The following VPS13B variants were observed in gnomAD, a reference collection of about 807,000 sequenced individuals.
The protein encoded by VPS13B is vacuolar protein sorting 13 homolog B, also known as intermembrane lipid transfer protein VPS13B.
VPS13B carries 285 observed loss-of-function variants against 426.4 expected under a neutral mutation model. The ratio of observed to expected loss-of-function variants is 0.67; its 90% CI spans 0.61 to 0.74. The LOEUF (loss-of-function observed/expected upper bound fraction) is 0.74. VPS13B is among the 30% of genes least tolerant of loss of function. The pLI, the probability that VPS13B is intolerant of heterozygous loss-of-function variation, is 0.00. For missense variants in VPS13B, 4,537 were observed against 4,782.6 expected, an observed-to-expected ratio of 0.95 and a Z score of 1.51; for synonymous variants, 1,676 against 1,676.4, an observed-to-expected ratio of 1.00 and a Z score of 0.01.
At chr8:99,428,460 A>G (rs1588367533) in intron 21 of VPS13B, among the ~76,000 whole-genome samples, 1 of 152,228 alleles carries the variant, frequency 6.6e-6, no homozygotes, top group Non-Finnish European at 1.5e-5. Context: ...AACCCCATCA[A>G]AAAGTGGGCG....
intron 33 of VPS13B, among the ~76,000 whole-genome samples, chr8:99,590,980 T>C (rs1449308696): frequency 6.6e-6 from 1 of 152,072 alleles, no homozygotes; most frequent in Admixed American, 6.6e-5. Flanking sequence ...TAAGTCTCTT[T>C]GTATGTCTCT....
At chr8:99,756,473 GACAA>G (rs1810648875) in intron 39 of VPS13B, among the ~76,000 whole-genome samples, 1 of 152,132 alleles carries the variant, frequency 6.6e-6, no homozygotes, top group Non-Finnish European at 1.5e-5. Context: ...CAAATTTGAT[GACAA>G]ACATTTATCT....
intron 31 of VPS13B, among the ~76,000 whole-genome samples, chr8:99,557,864 C>A (rs1824673370): frequency 6.6e-6 from 1 of 152,110 alleles, no homozygotes; most frequent in African/African-American, 2.4e-5. Flanking sequence ...ATTAAAGCTA[C>A]ATACCTTTAT....
intron 2 of VPS13B, among the ~76,000 whole-genome samples, chr8:99,031,515 C>T (rs1383155078): frequency 6.6e-6 from 1 of 152,112 alleles, no homozygotes; most frequent in Non-Finnish European, 1.5e-5. Context: ...GAGGAACAAC[C>T]ACCTCTTCCA....
intron 39 of VPS13B, among the ~76,000 whole-genome samples, chr8:99,764,519 T>C (rs554453592): frequency 5.9e-4 from 87 of 148,298 alleles, no homozygotes; most frequent in South Asian, 8.9e-4. Flanking sequence ...GTTTAAGCAA[T>C]TCTCCTGTCT....
At chr8:99,576,893 C>G (rs780237792) in intron 32 of VPS13B, among the ~76,000 whole-genome samples, 47 of 152,116 alleles carry the variant, frequency 3.1e-4, no homozygotes, top group Non-Finnish European at 4.6e-4. Context: ...CTGTCTTTAG[C>G]TTCAACACTC....
intron 55 of VPS13B, among the ~76,000 whole-genome samples, chr8:99,851,460 CAG>C (rs1179768234): frequency 6.6e-6 from 1 of 152,106 alleles, no homozygotes; most frequent in Non-Finnish European, 1.5e-5. Flanking sequence ...GGGATGAAAA[CAG>C]AGCTCAGTAA....
At chr8:99,368,877 T>C (rs1813026655) in intron 19 of VPS13B, among the ~76,000 whole-genome samples, 1 of 152,214 alleles carries the variant, frequency 6.6e-6, no homozygotes, top group South Asian at 2.1e-4. Context: ...AGCCATATTC[T>C]CTATGTATTT....
chr8:99,524,527 T>G (rs1267446845), intron 30 of VPS13B, among the ~76,000 whole-genome samples: 1 of 152,194 alleles, frequency 6.6e-6, no homozygotes, highest in Non-Finnish European at 1.5e-5. Flanking sequence ...TACAGTGGCT[T>G]GTGCCTGGGA....
intron 33 of VPS13B, among the ~76,000 whole-genome samples, chr8:99,621,741 T>G (rs1324955950): frequency 6.6e-6 from 1 of 152,058 alleles, no homozygotes; most frequent in African/African-American, 2.4e-5. Flanking sequence ...ATCAGGAGTT[T>G]TTTGCTAGTT....
chr8:99,582,093 A>G (rs1165926343), intron 33 of VPS13B, among the ~76,000 whole-genome samples: 1 of 151,814 alleles, frequency 6.6e-6, no homozygotes, highest in Non-Finnish European at 1.5e-5. Flanking sequence ...TGATTTCTTA[A>G]CCAGTGTTTA....
intron 43 of VPS13B, among the ~76,000 whole-genome samples, chr8:99,784,677 C>A (rs1812175756): frequency 6.6e-6 from 1 of 152,080 alleles, no homozygotes; most frequent in Non-Finnish European, 1.5e-5. Flanking sequence ...CTGTTTAGCA[C>A]TGGTGCTTGG....
chr8:99,360,152 TTC>T (rs1257489654), intron 19 of VPS13B, among the ~76,000 whole-genome samples: 3 of 34,674 alleles, frequency 8.7e-5, no homozygotes, highest in Non-Finnish European at 1.6e-4. Flanking sequence ...CTTTCTTTCT[TTC>T]TTTCTTTCTT....
chr8:99,150,924 C>A (rs539890470), intron 14 of VPS13B, among the ~76,000 whole-genome samples: 1 of 152,272 alleles, frequency 6.6e-6, no homozygotes, highest in East Asian at 1.9e-4. Flanking sequence ...GGATTGTATG[C>A]TAAAAGTATG....
intron 16 of VPS13B, among the ~76,000 whole-genome samples, chr8:99,171,217 T>C (rs948131633): frequency 6.6e-6 from 1 of 151,886 alleles, no homozygotes; most frequent in African/African-American, 2.4e-5. Context: ...CTCTCACATG[T>C]CATTTATTAT....
Position 99,720,325 on chromosome 8 carries a change from AT to A in VPS13B, c.6658-13del, listed in dbSNP as rs1301739623. Reference sequence around the variant, plus strand: ...ATGTTTGTATTTAAAAGCTACTAGAATTTTTTTATGATTTTAAAGGTCTTCT... The same window carrying A: ...ATGTTTGTATTTAAAAGCTACTAGAATTTTTTATGATTTTAAAGGTCTTCT... On this transcript the variant is annotated intron_variant, in intron 37 of 61. Coordinates refer to ENST00000357162, the MANE Select transcript of VPS13B (RefSeq NM_152564.5). 8.1e-6 allele frequency: 13 copies of A among 1,603,632 alleles called. No homozygotes were observed. Among genetic ancestry groups the A allele is most frequent in the Non-Finnish European group, 1.1e-5 (13 of 1,173,236 alleles).
chr8:99,817,639 G>A lies in VPS13B; in HGVS notation c.8197G>A (p.Val2733Ile), dbSNP rs1814122302. 4 of 1,613,958 alleles carry A rather than the reference G, an allele frequency of 2.5e-6. No homozygotes were observed. Among genetic ancestry groups the A allele is most frequent in the Non-Finnish European group, 3.4e-6 (4 of 1,180,000 alleles). The change falls in exon 45 of 62, where the codon GTT becomes ATT. Residue 2733 changes from valine to isoleucine, a missense_variant. By Grantham distance (29) the Val-to-Ile change is conservative. Coordinates refer to ENST00000357162, the MANE Select transcript of VPS13B (RefSeq NM_152564.5). ...CATTGGTCAAGATGGACAAGCTGTAGTTCGGGAACATTTTGACTGCCTCAC... is the reference window on the plus strand; with the variant it reads ...CATTGGTCAAGATGGACAAGCTGTAATTCGGGAACATTTTGACTGCCTCAC... Reference protein sequence around the residue: ...HYIGQDGQAVVREHFDCLTAK... With the variant: ...HYIGQDGQAVIREHFDCLTAK...
At chr8:99,341,061 G>A (rs1811217143) in intron 19 of VPS13B, 2 of 268,700 alleles carry the variant, frequency 7.4e-6, no homozygotes, top group Non-Finnish European at 7.5e-6. Flanking sequence ...AACTGATGCG[G>A]TAGTGTAATC....
chr8:99,655,304 A>G (rs537719966), intron 34 of VPS13B, among the ~76,000 whole-genome samples: 1 of 152,362 alleles, frequency 6.6e-6, no homozygotes, highest in South Asian at 2.1e-4. Context: ...ATGAATAAAG[A>G]GCACTGAATC....
Sources: gnomAD v4.1 joint callset for allele counts (sites outside exome capture counted in the v4.1 genomes callset) on GRCh38, gnomAD v4.1.1 for gene constraint, MANE v1.5 for transcripts, NCBI Gene and HGNC (gene_info 2026-07-23, HGNC 2026-07-21) for gene names.